The following OR2L13 variants were observed in gnomAD, a reference collection of about 807,000 sequenced individuals.
OR2L13 encodes the protein olfactory receptor 2L13.
Under a neutral mutation model 15.3 loss-of-function variants are expected in OR2L13, and 14 were observed. The observed-to-expected ratio is 0.91, with a 90% CI of 0.60 to 1.43. The LOEUF is 1.43. Among genes scored for constraint, OR2L13 ranks in the 40% most tolerant of loss-of-function variants. OR2L13 has a pLI of 0.00. For synonymous variants in OR2L13, 152 were observed against 142.9 expected (o/e 1.06, Z -0.45); for missense variants, 367 against 387.9 (o/e 0.95, Z 0.45).
At chr1:248,100,592 A>G (rs1265679589) in exon 3 of OR2L13, 1 of 181,710 alleles carries the variant, frequency 5.5e-6, no homozygotes, top group Non-Finnish European at 1.3e-5. Context: ...TTAACGTGAT[A>G]ATGTTTATTC....
At chr1:248,063,593 G>C in the OR2L13 span, among the ~76,000 whole-genome samples, 1 of 152,176 alleles carries the variant, frequency 6.6e-6, no homozygotes, top group East Asian at 1.9e-4. Flanking sequence ...GAGGGGCTTT[G>C]GGACAGAGAG....
chr1:248,076,986 A>G, the OR2L13 span, among the ~76,000 whole-genome samples: 2 of 152,008 alleles, frequency 1.3e-5, no homozygotes, highest in East Asian at 3.9e-4. Flanking sequence ...GTTTGTCATA[A>G]ATTGCTCTGA....
chr1:248,047,832 A>G, the OR2L13 span, among the ~76,000 whole-genome samples: 1 of 152,176 alleles, frequency 6.6e-6, no homozygotes, highest in African/African-American at 2.4e-5. Context: ...ATAATGATGA[A>G]GATGCTGAAA....
the OR2L13 span, among the ~76,000 whole-genome samples, chr1:247,985,871 C>A: frequency 2.0e-5 from 3 of 150,394 alleles, no homozygotes; most frequent in Non-Finnish European, 3.0e-5. Context: ...TGATGATAAG[C>A]ATTTTTTCAT....
chr1:247,944,659 T>C, the OR2L13 span, among the ~76,000 whole-genome samples: 23 of 152,216 alleles, frequency 1.5e-4, 1 homozygote, highest in Admixed American at 1.5e-3. Flanking sequence ...TATGGCTGCA[T>C]AGTATTCCAT....
the OR2L13 span, among the ~76,000 whole-genome samples, chr1:247,981,665 G>A: frequency 1.3e-5 from 2 of 152,126 alleles, no homozygotes; most frequent in East Asian, 1.9e-4. Context: ...CAGTCATAGC[G>A]GATAACAAGT....
chr1:248,016,584 TAA>T, the OR2L13 span, among the ~76,000 whole-genome samples: 1 of 152,110 alleles, frequency 6.6e-6, no homozygotes, highest in African/African-American at 2.4e-5. Flanking sequence ...TGTATTTCAG[TAA>T]ATTTAACCTC....
At chr1:248,015,940 T>C in the OR2L13 span, among the ~76,000 whole-genome samples, 2 of 152,316 alleles carry the variant, frequency 1.3e-5, no homozygotes, top group African/African-American at 2.4e-5. Flanking sequence ...AAGGGAAAAC[T>C]GCAGTATCTA....
the OR2L13 span, among the ~76,000 whole-genome samples, chr1:248,019,062 G>T: frequency 2.6e-5 from 4 of 152,006 alleles, no homozygotes; most frequent in Non-Finnish European, 5.9e-5. Flanking sequence ...ACTTGTTTCT[G>T]CCTTTGGGGT....
At chr1:248,055,503 C>A in the OR2L13 span, among the ~76,000 whole-genome samples, 2 of 152,042 alleles carry the variant, frequency 1.3e-5, no homozygotes, top group Admixed American at 6.6e-5. Context: ...TGCCTGTAAT[C>A]CCAGCACTCT....
chr1:248,016,698 A>G, the OR2L13 span, among the ~76,000 whole-genome samples: 1 of 151,856 alleles, frequency 6.6e-6, no homozygotes, highest in Non-Finnish European at 1.5e-5. Context: ...ATTTTTTTAA[A>G]CGTGTATATA....
the OR2L13 span, chr1:248,023,712 T>C: frequency 1.3e-5 from 2 of 152,204 alleles, no homozygotes; most frequent in African/African-American, 4.8e-5. Context: ...ATCAACATTA[T>C]TTTTATAAAA....
chr1:248,072,207 A>T, the OR2L13 span, among the ~76,000 whole-genome samples: 1 of 152,184 alleles, frequency 6.6e-6, no homozygotes, highest in Non-Finnish European at 1.5e-5. Context: ...TAGAGGCATC[A>T]CGCTACCTGA....
the OR2L13 span, among the ~76,000 whole-genome samples, chr1:247,960,595 G>A: frequency 1.3e-5 from 2 of 152,118 alleles, no homozygotes; most frequent in Non-Finnish European, 2.9e-5. Flanking sequence ...CACCCAGTTC[G>A]AGCCTCCTGG....
At chr1:248,073,887 A>C in the OR2L13 span, among the ~76,000 whole-genome samples, 51 of 152,072 alleles carry the variant, frequency 3.4e-4, no homozygotes, top group Non-Finnish European at 4.7e-4. Flanking sequence ...ATAAAGCTCT[A>C]AAAAAGTAAG....
the OR2L13 span, among the ~76,000 whole-genome samples, chr1:248,054,660 C>T: frequency 2.6e-5 from 4 of 152,060 alleles, no homozygotes; most frequent in African/African-American, 7.2e-5. Context: ...CCTTCACTTC[C>T]CTTATTAGCT....
chr1:248,005,897 A>T, the OR2L13 span, among the ~76,000 whole-genome samples: 15 of 152,170 alleles, frequency 9.9e-5, no homozygotes, highest in Admixed American at 7.2e-4. Flanking sequence ...AATCAGAGTA[A>T]GTCTTTGTTG....
chr1:248,056,177 C>CT, the OR2L13 span, among the ~76,000 whole-genome samples: 37 of 151,952 alleles, frequency 2.4e-4, no homozygotes, highest in African/African-American at 8.2e-4. Flanking sequence ...CTTTATTATT[C>CT]TTTTTTTATT....
chr1:248,060,600 T>C, the OR2L13 span: 4 of 1,091,568 alleles, frequency 3.7e-6, no homozygotes, highest in Non-Finnish European at 5.4e-6. Context: ...GGGCTTCAAA[T>C]GCATTCCCTG....
Sources: allele counts gnomAD v4.1 joint callset (sites outside exome capture counted in the v4.1 genomes callset), GRCh38; gene constraint gnomAD v4.1.1; transcripts MANE v1.5; gene names NCBI Gene and HGNC (gene_info 2026-07-23, HGNC 2026-07-21).